TAOK1: variants seen among roughly 807,000 people sequenced by gnomAD.
TAOK1 encodes serine/threonine-protein kinase TAO1.
A neutral mutation model predicts 138.3 loss-of-function variants in TAOK1; 21 were observed. The ratio of observed to expected loss-of-function variants is 0.15; its 90% CI spans 0.11 to 0.22. TAOK1 has a LOEUF of 0.22. TAOK1 is among the 10% of genes least tolerant of loss of function. TAOK1 has a pLI of 1.00. For synonymous variants in TAOK1, 361 were observed against 398.4 expected (o/e 0.91, Z 1.12); for missense variants, 651 against 1,227.7 (o/e 0.53, Z 7.02).
intron 18 of TAOK1, among the ~76,000 whole-genome samples, chr17:29,533,005 A>T (rs772541035): frequency 3.5e-4 from 24 of 68,510 alleles, no homozygotes; most frequent in South Asian, 6.2e-4. Context: ...CCCACCTCCA[A>T]CCGGGCGGGG....
intron 10 of TAOK1, among the ~76,000 whole-genome samples, chr17:29,494,850 A>T (rs532601061): frequency 2.0e-5 from 3 of 150,468 alleles, no homozygotes; most frequent in Non-Finnish European, 3.0e-5. Context: ...AAAAAAAAAG[A>T]ATTCAAGGAT....
chr17:29,517,900 G>A (rs950188619), intron 16 of TAOK1, among the ~76,000 whole-genome samples: 12 of 151,942 alleles, frequency 7.9e-5, no homozygotes, highest in Admixed American at 7.9e-4. Flanking sequence ...ATGTCGCCAA[G>A]TATGGAGTGC....
At chr17:29,516,878 A>G (rs2031825993) in intron 15 of TAOK1, among the ~76,000 whole-genome samples, 1 of 151,834 alleles carries the variant, frequency 6.6e-6, no homozygotes, top group African/African-American at 2.4e-5. Context: ...CAAAGAGTGC[A>G]GTGGTGTGAT....
rs548987473 is a variant in TAOK1, at chr17:29,484,793, T to G, written c.655+2505T>G. 5.9e-5 allele frequency among the ~76,000 whole-genome samples: 9 copies of G among 152,064 alleles called. No individual in the cohort carries two copies. The South Asian group carries it at 1.7e-3, about 28-fold the overall frequency. ...CTAATTTTTTTATTTTTAGTAGAGA[T>G]AGGTTTTCACCATGTTGGCCAGGCT... On this transcript the variant is annotated intron_variant, in intron 8 of 19. Transcript: ENST00000261716.
At position 29,542,927 on chromosome 17, in the gene TAOK1, C is replaced by T. The variant is rs762067797; in HGVS notation, c.2911C>T (p.Arg971Trp). 13 of 1,613,580 alleles carry T rather than the reference C, an allele frequency of 8.1e-6. No individual in the cohort carries two copies. The highest frequency in any genetic ancestry group is 1.3e-5 in the African/African-American group (1 of 74,936). The change falls in exon 20 of 20, where the codon CGG becomes TGG. Residue 971 changes from arginine to tryptophan, a missense_variant. By Grantham distance (101) the Arg-to-Trp change is moderately radical. Transcript: ENST00000261716. ...GVRNSPQALR[R>W]TASGGRTEQG... The stretch of plus-strand genomic sequence containing the variant: ...CCGCAATAGCCCCCAGGCTCTGAGG[C>T]GGACAGCTTCTGGGGGACGGACGGA...
chr17:29,542,426 T>A (rs1298855278), intron 19 of TAOK1, 135 bp from the exon 20 acceptor site: 10 of 716,026 alleles, frequency 1.4e-5, no homozygotes, highest in Middle Eastern at 4.5e-4. Context: ...GGAAAAAGTT[T>A]AAATAAAATT....
chr17:29,416,402 T>G (rs1905265449), intron 1 of TAOK1, among the ~76,000 whole-genome samples: 1 of 152,026 alleles, frequency 6.6e-6, no homozygotes, highest in South Asian at 2.1e-4. Flanking sequence ...ACCTGGAAGA[T>G]TCACAGTACC....
intron 17 of TAOK1, among the ~76,000 whole-genome samples, chr17:29,524,994 T>G (rs2031984076): frequency 6.6e-6 from 1 of 152,244 alleles, no homozygotes. Flanking sequence ...ATTCTTAGTA[T>G]AAGCATTAAT....
At chr17:29,442,542 T>C (rs964697320) in intron 1 of TAOK1, among the ~76,000 whole-genome samples, 1 of 152,158 alleles carries the variant, frequency 6.6e-6, no homozygotes, top group Non-Finnish European at 1.5e-5. Flanking sequence ...CTTTATGTAT[T>C]GTGGCATATG....
Position 29,544,752 on chromosome 17 carries a change from T to C in TAOK1, c.*1730T>C, listed in dbSNP as rs1395851354. On this transcript the variant is annotated 3_prime_UTR_variant, in exon 20 of 20. Coordinates refer to ENST00000261716, the MANE Select transcript of TAOK1 (RefSeq NM_020791.4). The stretch of plus-strand genomic sequence containing the variant: ...AGTTTCTTACAAGTTATTGTCCTGC[T>C]CCCTTCCAAGTTGTCTTGAAGAATC... The C allele has an allele frequency of 6.6e-6, 1 of 152,232 alleles. No individual in the cohort carries two copies. Among genetic ancestry groups the C allele is most frequent in the Non-Finnish European group, 1.5e-5 (1 of 68,046 alleles). The allele number at this position is 152,232 out of a possible 1,614,324, so 9.4% of individuals were successfully genotyped here. A position where few individuals can be genotyped will look rare whatever the true frequency, so the allele number is the denominator to read the frequency against.
intron 2 of TAOK1, among the ~76,000 whole-genome samples, chr17:29,464,271 TAA>T (rs371410674): frequency 2.1e-5 from 3 of 140,282 alleles, no homozygotes; most frequent in Non-Finnish European, 3.1e-5. Context: ...CCGTCTCTAC[TAA>T]AAAAAAAAAA....
At chr17:29,451,954 G>C (rs940777872) in intron 2 of TAOK1, among the ~76,000 whole-genome samples, 1 of 152,084 alleles carries the variant, frequency 6.6e-6, no homozygotes, top group African/African-American at 2.4e-5. Context: ...GGTGGCTCAC[G>C]CCTGTAATCC....
intron 1 of TAOK1, among the ~76,000 whole-genome samples, chr17:29,416,430 A>G (rs1905266434): frequency 6.6e-6 from 1 of 152,090 alleles, no homozygotes. Context: ...TTTAATGGGA[A>G]AAAAAGCTAG....
At chr17:29,441,580 C>T (rs28889132) in intron 1 of TAOK1, among the ~76,000 whole-genome samples, 1,627 of 152,116 alleles carry the variant, frequency 0.011, 35 homozygotes, top group African/African-American at 0.037. Flanking sequence ...TTCTCATATC[C>T]TTTTTATTTC....
chr17:29,442,394 T>G (rs1236892064), intron 1 of TAOK1, among the ~76,000 whole-genome samples: 1 of 151,428 alleles, frequency 6.6e-6, no homozygotes, highest in South Asian at 2.1e-4. Flanking sequence ...TTTCTGTTTT[T>G]TTTTTTTTTA....
intron 10 of TAOK1, among the ~76,000 whole-genome samples, chr17:29,493,587 C>T (rs568790627): frequency 6.6e-6 from 1 of 152,052 alleles, no homozygotes; most frequent in African/African-American, 2.4e-5. Flanking sequence ...AGTAACCCAG[C>T]CCACTAGTAT....
chr17:29,497,785 A>G (rs1169959151), intron 11 of TAOK1, among the ~76,000 whole-genome samples: 5 of 151,834 alleles, frequency 3.3e-5, no homozygotes, highest in Non-Finnish European at 5.9e-5. Context: ...AGAAGAATCT[A>G]CTTATGAAAG....
In TAOK1 at chr17:29,472,227, G is replaced by A. The variant is rs562942303; in HGVS notation, c.205-3443G>A. ...TTTGCCCATATCCATCAGACAAATT[G>A]CTGTCTATGGCAGCTATAGCCGTTG... is the stretch of plus-strand genomic sequence containing the variant. On this transcript the variant is annotated intron_variant, in intron 3 of 19. Coordinates refer to ENST00000261716, the MANE Select transcript of TAOK1 (RefSeq NM_020791.4). Among the ~76,000 whole-genome samples, 8 of 150,594 alleles carry A rather than the reference G, an allele frequency of 5.3e-5. No individual in the cohort carries two copies. In the South Asian group the frequency reaches 6.3e-4, roughly 12 times the overall value.
rs183672934 is a variant in TAOK1 at position 29,396,037 on chromosome 17, T to C, written c.-95+5013T>C. On this transcript the variant is annotated intron_variant, in intron 1 of 19. Coordinates refer to ENST00000261716, the MANE Select transcript of TAOK1 (RefSeq NM_020791.4). ...CTTCAGGTTTTCCTATTATAAAATA[T>C]GAGAGGATACAACCTGTATTAGTTC... 1.5e-4 allele frequency among the ~76,000 whole-genome samples: 23 copies of C among 152,150 alleles called. No individual in the cohort carries two copies. In the East Asian group the frequency reaches 4.2e-3, roughly 28 times the overall value.
Sources: gnomAD v4.1 joint callset for allele counts (sites outside exome capture counted in the v4.1 genomes callset) on GRCh38, gnomAD v4.1.1 for gene constraint, MANE v1.5 for transcripts, NCBI Gene and HGNC (gene_info 2026-07-23, HGNC 2026-07-21) for gene names.